The following GSK3B variants were observed in gnomAD, a reference collection of about 807,000 sequenced individuals.
The protein encoded by GSK3B is glycogen synthase kinase 3 beta.
GSK3B carries 15 observed loss-of-function variants against 56.4 expected under a neutral mutation model. The observed-to-expected ratio is 0.27, with a 90% CI of 0.18 to 0.41. The LOEUF is 0.41. Among genes scored for constraint, GSK3B ranks in the 10% least tolerant of loss-of-function variants. The pLI is 1.00. For synonymous variants in GSK3B, 181 were observed against 188.9 expected, an observed-to-expected ratio of 0.96 and a Z score of 0.34; for missense variants, 300 against 513.4, an observed-to-expected ratio of 0.58 and a Z score of 4.02.
intron 1 of GSK3B, among the ~76,000 whole-genome samples, chr3:120,069,259 G>A (rs1233784934): frequency 6.6e-6 from 1 of 151,964 alleles, no homozygotes; most frequent in Admixed American, 6.6e-5. Flanking sequence ...CAATGATCTT[G>A]GCTATTTCAA....
chr3:119,850,848 G>A (rs139308282), intron 9 of GSK3B, among the ~76,000 whole-genome samples: 1 of 152,146 alleles, frequency 6.6e-6, no homozygotes, highest in Non-Finnish European at 1.5e-5. Flanking sequence ...TGTGTGCTAA[G>A]CTTGAGAGTA....
chr3:119,985,293 C>G (rs1254404957), intron 2 of GSK3B, among the ~76,000 whole-genome samples: 2 of 152,192 alleles, frequency 1.3e-5, no homozygotes, highest in African/African-American at 2.4e-5. Context: ...AGGATGCCCT[C>G]TCTCACCAGT....
At chr3:120,003,610 C>T (rs1031340319) in intron 1 of GSK3B, among the ~76,000 whole-genome samples, 1 of 152,124 alleles carries the variant, frequency 6.6e-6, no homozygotes, top group Admixed American at 6.5e-5. Flanking sequence ...GTATTTTTCT[C>T]TGTGAAATAT....
At chr3:119,840,179 T>A (rs2055751710) in intron 10 of GSK3B, among the ~76,000 whole-genome samples, 1 of 151,988 alleles carries the variant, frequency 6.6e-6, no homozygotes, top group Non-Finnish European at 1.5e-5. Context: ...ATGTCAATCC[T>A]GCCCTCCACA....
At chr3:119,861,894 A>T (rs2056108391) in intron 9 of GSK3B, among the ~76,000 whole-genome samples, 2 of 152,164 alleles carry the variant, frequency 1.3e-5, no homozygotes, top group Admixed American at 6.5e-5. Context: ...TACAGGGTCC[A>T]CTTTTTCACT....
At chr3:119,855,460 C>T (rs1233206254) in intron 9 of GSK3B, among the ~76,000 whole-genome samples, 2 of 152,138 alleles carry the variant, frequency 1.3e-5, no homozygotes, top group African/African-American at 4.8e-5. Context: ...ACCATTTGAC[C>T]CAGCCATCCC....
At chr3:120,057,511 A>C (rs1478251044) in intron 1 of GSK3B, among the ~76,000 whole-genome samples, 2 of 152,230 alleles carry the variant, frequency 1.3e-5, no homozygotes, top group African/African-American at 4.8e-5. Context: ...GTCTAGCAAG[A>C]AGAGGATACT....
chr3:119,863,924 T>G (rs2056142951), intron 8 of GSK3B, among the ~76,000 whole-genome samples: 1 of 152,192 alleles, frequency 6.6e-6, no homozygotes, highest in Non-Finnish European at 1.5e-5. Flanking sequence ...AAATATTTTT[T>G]AAATTTTAAA....
intron 6 of GSK3B, among the ~76,000 whole-genome samples, chr3:119,908,865 T>C (rs1268862694): frequency 1.3e-5 from 2 of 152,242 alleles, no homozygotes; most frequent in Non-Finnish European, 2.9e-5. Flanking sequence ...TGCTGGCCTC[T>C]TGGCAGAAAT....
intron 1 of GSK3B, among the ~76,000 whole-genome samples, chr3:120,066,066 T>C (rs1269848569): frequency 2.0e-5 from 3 of 152,176 alleles, no homozygotes; most frequent in East Asian, 1.9e-4. Context: ...ATGCTAATGA[T>C]TGTACACTTT....
chr3:119,962,344 C>A (rs1277257977), intron 2 of GSK3B, among the ~76,000 whole-genome samples: 1 of 149,186 alleles, frequency 6.7e-6, no homozygotes, highest in South Asian at 2.1e-4. Flanking sequence ...CATTGCACTC[C>A]AGCCTGGGCA....
chr3:120,000,546 G>T (rs955130741), intron 2 of GSK3B, among the ~76,000 whole-genome samples: 1 of 152,140 alleles, frequency 6.6e-6, no homozygotes, highest in African/African-American at 2.4e-5. Context: ...ATCCCTTCAT[G>T]TTTACCATAG....
intron 8 of GSK3B, among the ~76,000 whole-genome samples, chr3:119,876,085 C>T (rs1431278578): frequency 1.3e-5 from 2 of 152,034 alleles, no homozygotes; most frequent in Admixed American, 6.6e-5. Flanking sequence ...TTAAACTATA[C>T]ACCTCTATGT....
chr3:120,018,920 C>T (rs1018365659), intron 1 of GSK3B, among the ~76,000 whole-genome samples: 1 of 152,136 alleles, frequency 6.6e-6, no homozygotes, highest in Non-Finnish European at 1.5e-5. Context: ...CATAGCCTAA[C>T]AACAGGTGCT....
At chr3:119,848,171 G>A (rs2108016520) in intron 9 of GSK3B, among the ~76,000 whole-genome samples, 1 of 152,308 alleles carries the variant, frequency 6.6e-6, no homozygotes, top group East Asian at 1.9e-4. Flanking sequence ...TAGCGAGCTT[G>A]TACACAAAAG....
chr3:119,894,694 C>T (rs1273081611), intron 7 of GSK3B, among the ~76,000 whole-genome samples: 3 of 152,048 alleles, frequency 2.0e-5, no homozygotes, highest in Non-Finnish European at 4.4e-5. Context: ...CTCCAATTGT[C>T]TTTTAAGTTT....
chr3:120,021,477 C>T (rs756997989), intron 1 of GSK3B, among the ~76,000 whole-genome samples: 4 of 151,010 alleles, frequency 2.6e-5, no homozygotes, highest in South Asian at 4.2e-4. Context: ...GATTGCGCCA[C>T]GGCACTCCAG....
chr3:120,091,518 T>G (rs557787250), intron 1 of GSK3B, among the ~76,000 whole-genome samples: 1 of 152,182 alleles, frequency 6.6e-6, no homozygotes, highest in Admixed American at 6.5e-5. Flanking sequence ...AGTCCCAAAA[T>G]GTAGCATTAT....
At chr3:119,973,939 A>C (rs2057390155) in intron 2 of GSK3B, among the ~76,000 whole-genome samples, 2 of 152,230 alleles carry the variant, frequency 1.3e-5, no homozygotes, top group Non-Finnish European at 2.9e-5. Flanking sequence ...CATAGACCTT[A>C]TACCTTTCAC....
Sources: gnomAD v4.1 joint callset for allele counts (sites outside exome capture counted in the v4.1 genomes callset) on GRCh38, gnomAD v4.1.1 for gene constraint, MANE v1.5 for transcripts, NCBI Gene and HGNC (gene_info 2026-07-23, HGNC 2026-07-21) for gene names.